Variants in TMPRSS6 observed in about 807,000 individuals in gnomAD.
TMPRSS6 encodes the protein transmembrane protease serine 6.
Under a neutral mutation model 101.5 loss-of-function variants are expected in TMPRSS6, and 67 were observed. The observed-to-expected ratio is 0.66, with a 90% CI of 0.54 to 0.81. The LOEUF is 0.81. Among genes scored for constraint, TMPRSS6 ranks in the 30% least tolerant of loss-of-function variants. The pLI, the probability that TMPRSS6 is intolerant of heterozygous loss-of-function variation, is 0.00. For synonymous variants in TMPRSS6, 453 were observed against 464.9 expected (o/e 0.97, Z 0.33); for missense variants, 1,034 against 1,088.7 (o/e 0.95, Z 0.71).
chr22:37,101,871 C>A lies in TMPRSS6; in HGVS notation c.202+1345G>T, dbSNP rs1601575330. ...TTAGCCCGCTACCTGAGGAGGCCCC[C>A]ACAGCCCTGTGCTATCTGGGGCACT... On this transcript the variant is annotated intron_variant, in intron 2 of 17. Coordinates refer to ENST00000676104, the MANE Select transcript of TMPRSS6 (RefSeq NM_001374504.1). This position sits in a 1 kb window ranked among gnomAD's most constrained non-coding sequence, Gnocchi z 4.1. Among the ~76,000 whole-genome samples, 1 of 152,222 alleles carries A rather than the reference C, an allele frequency of 6.6e-6. No homozygotes were observed. The highest frequency in any genetic ancestry group is 1.5e-5 in the Non-Finnish European group (1 of 68,036).
intron 10 of TMPRSS6, among the ~76,000 whole-genome samples, chr22:37,076,024 GAA>G (rs1478879524): frequency 7.4e-4 from 107 of 143,646 alleles, no homozygotes; most frequent in African/African-American, 2.0e-3. Flanking sequence ...AGAAGAAAGA[GAA>G]AGAGAAAGAA....
Position 37,106,495 on chromosome 22 carries a change from A to G in TMPRSS6, c.-2+3008T>C, listed in dbSNP as rs139193313. 1.4e-3 allele frequency among the ~76,000 whole-genome samples: 208 copies of G among 152,130 alleles called. No individual in the cohort carries two copies. In the Middle Eastern group the frequency reaches 0.02, roughly 15 times the overall value. The stretch of plus-strand genomic sequence containing the variant: ...GACTTTGAGCAGCACAGAGAGGCTC[A>G]TTTTCAGGACACCCTCTGTAAAAAC... On this transcript the variant is annotated intron_variant, in intron 1 of 17. Transcript: ENST00000676104.
intron 4 of TMPRSS6, 94 bp downstream of exon 4, chr22:37,096,554 C>T (rs1929778666): frequency 2.2e-6 from 3 of 1,359,080 alleles, no homozygotes; most frequent in Middle Eastern, 1.8e-4. Context: ...CCATTTGAAA[C>T]ATGAAGGCAT....
chr22:37,066,296 T>C, intron 17 of TMPRSS6, 58 bp from the exon 18 acceptor site: 1 of 1,497,406 alleles, frequency 6.7e-7, no homozygotes, highest in Non-Finnish European at 9.0e-7. Context: ...CTTTTCCAGG[T>C]GAAGAGCCAT....
chr22:37,106,382 C>T (rs575437990), intron 1 of TMPRSS6, among the ~76,000 whole-genome samples: 21 of 151,932 alleles, frequency 1.4e-4, no homozygotes, highest in East Asian at 3.9e-4. Context: ...CTTGGTGGGC[C>T]TCCCCTCCCC....
intron 1 of TMPRSS6, among the ~76,000 whole-genome samples, chr22:37,107,628 A>G (rs228912): frequency 0.81 from 123,292 of 151,954 alleles, 50,660 homozygotes; most frequent in African/African-American, 0.95. Context: ...CCCTGCCCAC[A>G]AGCCTCGCAC....
chr22:37,098,360 C>T, intron 3 of TMPRSS6, 56 bp downstream of exon 3: 3 of 1,612,174 alleles, frequency 1.9e-6, no homozygotes, highest in Admixed American at 3.3e-5. Flanking sequence ...TCAGACCCCA[C>T]CCCTCTCTTT....
At chr22:37,093,271 C>G (rs1929428143) in intron 6 of TMPRSS6, among the ~76,000 whole-genome samples, 1 of 151,946 alleles carries the variant, frequency 6.6e-6, no homozygotes, top group African/African-American at 2.4e-5. Context: ...AGAACAACTG[C>G]CAGGAACATG....
At chr22:37,108,199 A>T (rs1199785554) in intron 1 of TMPRSS6, among the ~76,000 whole-genome samples, 2 of 152,124 alleles carry the variant, frequency 1.3e-5, no homozygotes, top group Non-Finnish European at 2.9e-5. Context: ...GCCCTCGTGG[A>T]CCTTGAGCCC....
At chr22:37,089,927 C>T (rs1929112716) in intron 6 of TMPRSS6, 145 bp from the exon 7 acceptor site, 2 of 704,042 alleles carry the variant, frequency 2.8e-6, no homozygotes, top group Admixed American at 2.9e-5. Context: ...TGCTCTACCC[C>T]ATCCTTCTCT....
Position 37,070,946 on chromosome 22 carries a change from A to T in TMPRSS6, c.1642T>A (p.Cys548Ser). 1.9e-6 allele frequency: 3 copies of T among 1,613,330 alleles called. No homozygotes were observed. The highest frequency in any genetic ancestry group is 2.5e-6 in the Non-Finnish European group (3 of 1,179,994). Reference protein sequence around the residue: ...PNPQCDGRPDCRDGSDEEHCD... With the variant: ...PNPQCDGRPDSRDGSDEEHCD... Reference sequence around the variant, plus strand: ...TGCTCCTCATCCGAGCCGTCCCTGCAGTCGGGCCGCCCATCACACTGCGGG... The same window carrying T: ...TGCTCCTCATCCGAGCCGTCCCTGCTGTCGGGCCGCCCATCACACTGCGGG... Residue 548 changes from cysteine (C) to serine (S), a missense_variant, in exon 14 of 18, where the codon TGC (cysteine) becomes AGC (serine). Coordinates refer to ENST00000676104, the MANE Select transcript of TMPRSS6 (RefSeq NM_001374504.1).
At position 37,103,435 on chromosome 22, in the gene TMPRSS6, C is replaced by T; in HGVS notation, c.-1-17G>A. 1 of 1,614,250 alleles carries T rather than the reference C, an allele frequency of 6.2e-7. No homozygotes were observed. The highest frequency in any genetic ancestry group is 8.5e-7 in the Non-Finnish European group (1 of 1,180,046). On this transcript the variant is annotated splice_polypyrimidine_tract_variant and intron_variant, in intron 1 of 17. Coordinates refer to ENST00000676104, the MANE Select transcript of TMPRSS6 (RefSeq NM_001374504.1). This position sits in a 1 kb window ranked among gnomAD's most constrained non-coding sequence, Gnocchi z 4.4. ...ACGGGCATCCTGCCAGGGAAACAGA[C>T]CAAAGTTGGAAACAGCCTCGCATTT... is the stretch of plus-strand genomic sequence containing the variant.
intron 2 of TMPRSS6, among the ~76,000 whole-genome samples, chr22:37,098,905 C>A (rs1930059657): frequency 6.6e-6 from 1 of 152,202 alleles, no homozygotes; most frequent in African/African-American, 2.4e-5. Flanking sequence ...GGGTCAGCAC[C>A]ACTAGGCATC....
At chr22:37,095,629 C>CAAAAAAAAAAAAAAAAAAA (rs548945502) in intron 5 of TMPRSS6, 37 bp from the exon 6 acceptor site, 8 of 1,177,238 alleles carry the variant, frequency 6.8e-6, no homozygotes, top group African/African-American at 1.9e-5. Context: ...TAAACAAGAA[C>CAAAAAAAAAAAAAAAAAAA]AAAAAAAAAA....
rs113803353 is a variant in TMPRSS6, at chr22:37,098,445, G to A, written c.307C>T (p.Arg103Cys). ...TTCTGGGCTTTGGCGGTTTCACTGCGGAAGGCACTAGATTCCCGGCGGGTA... is the reference window on the plus strand; with the variant it reads ...TTCTGGGCTTTGGCGGTTTCACTGCAGAAGGCACTAGATTCCCGGCGGGTA... Reference protein sequence around the residue: ...DLTRRESSAFRSETAKAQKML... With the variant: ...DLTRRESSAFCSETAKAQKML... Residue 103 changes from arginine (R) to cysteine (C), a missense_variant, in exon 3 of 18, where the codon CGC becomes TGC. Transcript: ENST00000676104. 547 of 1,613,764 alleles carry A rather than the reference G, an allele frequency of 3.4e-4. 3 individuals are homozygous for A. In the African/African-American group the frequency reaches 6.6e-3, roughly 19 times the overall value.
chr22:37,096,823 G>A, intron 3 of TMPRSS6, 108 bp from the exon 4 acceptor site: 1 of 1,094,646 alleles, frequency 9.1e-7, no homozygotes, highest in East Asian at 2.6e-5. Flanking sequence ...CTCCATGCAT[G>A]ATTCTCCAAG....
At chr22:37,070,435 T>A in intron 15 of TMPRSS6, 49 bp downstream of exon 15, 1 of 1,610,708 alleles carries the variant, frequency 6.2e-7, no homozygotes, top group African/African-American at 1.3e-5. Flanking sequence ...CACCGGGCCT[T>A]CCCTGCCCTT....
intron 10 of TMPRSS6, among the ~76,000 whole-genome samples, chr22:37,078,758 A>G (rs1927910326): frequency 7.5e-6 from 1 of 133,424 alleles, no homozygotes; most frequent in African/African-American, 3.2e-5. Context: ...AAGAAAGGAG[A>G]AAGAGAATGA....
At chr22:37,100,466 T>G (rs1488157278) in intron 2 of TMPRSS6, among the ~76,000 whole-genome samples, 3 of 152,188 alleles carry the variant, frequency 2.0e-5, no homozygotes, top group African/African-American at 7.2e-5. Context: ...GGGAAGTGAT[T>G]GGCGTCAGCT....
Sources: allele counts gnomAD v4.1 joint callset (sites outside exome capture counted in the v4.1 genomes callset), GRCh38; gene constraint gnomAD v4.1.1; non-coding constraint Gnocchi (gnomAD v3.1); transcripts MANE v1.5; gene names NCBI Gene and HGNC (gene_info 2026-07-23, HGNC 2026-07-21).